The following ESPNL variants were observed in gnomAD, a reference collection of about 807,000 sequenced individuals.
ESPNL encodes the protein espin like.
In ESPNL, 49 loss-of-function variants were observed where a neutral mutation model predicts 46.8. That is an observed-to-expected ratio of 1.05 (90% CI 0.83 to 1.33). ESPNL has a LOEUF of 1.33. ESPNL is among the 40% of genes most tolerant of loss of function. The pLI is 0.00. For synonymous variants in ESPNL, 664 were observed against 662.1 expected, an observed-to-expected ratio of 1.00 and a Z score of -0.04; for missense variants, 1,540 against 1,436.6, an observed-to-expected ratio of 1.07 and a Z score of -1.16.
intron 2 of ESPNL, 148 bp from the exon 3 acceptor site, chr2:238,104,508 G>T (rs1019637048): frequency 5.4e-6 from 5 of 921,072 alleles, no homozygotes; most frequent in South Asian, 1.9e-5. Flanking sequence ...CAACCTGGAG[G>T]GGGGAACCCC....
chr2:238,114,430 ACACC>A lies in ESPNL; in HGVS notation c.856-2468_856-2465del, dbSNP rs1691773457. ...GGACGCTCCGCCTCCACCCACCCAC[ACACC>A]CACCGCGCCCTGGCAAACCTTTGCC... is the stretch of plus-strand genomic sequence containing the variant. On this transcript the variant is annotated intron_variant, in intron 4 of 8. Transcript: ENST00000343063. This position sits in a 1 kb window ranked among gnomAD's most constrained non-coding sequence, Gnocchi z 5.0. Among the ~76,000 whole-genome samples, 1 of 151,504 alleles carries A rather than the reference ACACC, an allele frequency of 6.6e-6. No homozygotes were observed. Among genetic ancestry groups the A allele is most frequent in the Non-Finnish European group, 1.5e-5 (1 of 67,890 alleles).
At chr2:238,109,089 G>A (rs1691663376) in intron 4 of ESPNL, among the ~76,000 whole-genome samples, 1 of 152,212 alleles carries the variant, frequency 6.6e-6, no homozygotes, top group Non-Finnish European at 1.5e-5. Context: ...GAAGTGGGGG[G>A]AGGGGTGACC....
intron 4 of ESPNL, among the ~76,000 whole-genome samples, chr2:238,108,810 C>T (rs777647582): frequency 3.9e-5 from 6 of 152,212 alleles, no homozygotes; most frequent in African/African-American, 2.4e-5. Flanking sequence ...CTTCCTGGGG[C>T]CCCGGGTCAC....
intron 5 of ESPNL, among the ~76,000 whole-genome samples, chr2:238,122,891 G>A (rs530532534): frequency 2.6e-5 from 4 of 152,322 alleles, no homozygotes; most frequent in Admixed American, 6.5e-5. Flanking sequence ...TTCTGGCCGC[G>A]TCTGGTCTGG....
intron 3 of ESPNL, 124 bp downstream of exon 3, chr2:238,104,966 C>G: frequency 1.2e-6 from 1 of 854,096 alleles, no homozygotes; most frequent in South Asian, 2.2e-5. Context: ...TTGGGGCATC[C>G]GATGAGCTGG....
rs1574735255 is a variant in ESPNL at position 238,116,957 on chromosome 2, G to A, written c.910G>A (p.Gly304Ser). 1 of 1,612,490 alleles carries A rather than the reference G, an allele frequency of 6.2e-7. No homozygotes were observed. Among genetic ancestry groups the A allele is most frequent in the Non-Finnish European group, 8.5e-7 (1 of 1,179,810 alleles). ...GGACCCCTCCCTGCGGGATGAAGAT[G>A]GTTACACGGCGGCAGACCTGGCGGA... The part of the protein sequence containing the change: ...HVDPSLRDED[G>S]YTAADLAEYH... Residue 304 changes from glycine (G) to serine (S), a missense_variant, in exon 5 of 9, where the codon GGT becomes AGT. Transcript: ENST00000343063.
intron 5 of ESPNL, among the ~76,000 whole-genome samples, chr2:238,124,955 C>T (rs1186381303): frequency 2.0e-5 from 3 of 152,212 alleles, no homozygotes; most frequent in Non-Finnish European, 4.4e-5. Flanking sequence ...GTACCCGGAG[C>T]CCCAGAGCTC....
chr2:238,108,710 A>C (rs1411027392), intron 4 of ESPNL, among the ~76,000 whole-genome samples: 1 of 152,148 alleles, frequency 6.6e-6, no homozygotes, highest in Non-Finnish European at 1.5e-5. Context: ...CTGCAAGGCT[A>C]GTCTGGGGGG....
chr2:238,119,802 G>A (rs1691946410), intron 5 of ESPNL, among the ~76,000 whole-genome samples: 1 of 152,084 alleles, frequency 6.6e-6, no homozygotes, highest in Admixed American at 6.5e-5. Flanking sequence ...TCTCCCCAAG[G>A]GGTTGCTGTG....
intron 4 of ESPNL, 56 bp downstream of exon 4, chr2:238,108,029 G>A: frequency 6.6e-7 from 1 of 1,516,800 alleles, no homozygotes; most frequent in Non-Finnish European, 9.0e-7. Context: ...GCCATGCCCA[G>A]TGCTGTGTCA....
intron 4 of ESPNL, among the ~76,000 whole-genome samples, chr2:238,112,908 A>G (rs868455267): frequency 3.9e-5 from 6 of 152,120 alleles, no homozygotes; most frequent in Admixed American, 2.0e-4. Flanking sequence ...TGTATGGTCA[A>G]TTTTTATCAA....
Position 238,130,455 on chromosome 2 carries a change from G to C in ESPNL, c.1741G>C (p.Glu581Gln), listed in dbSNP as rs1692282320. The part of the protein sequence containing the change: ...AEPAGSAEAS[E>Q]VAPGVQPLPF... ...GCCCGCAGGGTCTGCGGAGGCCTCA[G>C]AGGTGGCCCCCGGGGTGCAGCCCCT... The change falls in exon 9 of 9, where the codon GAG becomes CAG. Residue 581 changes from glutamate to glutamine, a missense_variant. Physicochemically the swap from Glu to Gln is conservative, Grantham distance 29. Transcript: ENST00000343063. The C allele has an allele frequency of 1.9e-6, 3 of 1,603,262 alleles. No individual in the cohort carries two copies. The African/African-American group carries it at 4.0e-5, about 21-fold the overall frequency.
rs944464732 is a variant in ESPNL at position 238,132,074 on chromosome 2, C to T, written c.*342C>T. On this transcript the variant is annotated 3_prime_UTR_variant, in exon 9 of 9. Coordinates refer to ENST00000343063, the MANE Select transcript of ESPNL (RefSeq NM_194312.4). ...TCCCCAGTGTCACCAGTTCCCTTGG[C>T]GTCCTGTCCCTCAGTTTCTGTGGTG... 5 of 223,726 alleles carry T rather than the reference C, an allele frequency of 2.2e-5. No homozygotes were observed. Among genetic ancestry groups the T allele is most frequent in the South Asian group, 1.1e-4 (1 of 9,064 alleles). The allele number at this position is 223,726 out of a possible 1,614,324, so 13.9% of individuals were successfully genotyped here.
At chr2:238,129,803 G>A (rs892161594) in intron 8 of ESPNL, among the ~76,000 whole-genome samples, 2 of 152,250 alleles carry the variant, frequency 1.3e-5, no homozygotes, top group African/African-American at 4.8e-5. Flanking sequence ...TGTCGTTTCT[G>A]TAGCCACAGG....
chr2:238,128,497 C>CG (rs2106479073), intron 7 of ESPNL, among the ~76,000 whole-genome samples: 1 of 152,306 alleles, frequency 6.6e-6, no homozygotes, highest in East Asian at 1.9e-4. Flanking sequence ...CATCTTACCC[C>CG]GCCCCCTCCA....
At chr2:238,123,826 C>T (rs1163417700) in intron 5 of ESPNL, among the ~76,000 whole-genome samples, 2 of 152,160 alleles carry the variant, frequency 1.3e-5, no homozygotes, top group South Asian at 2.1e-4. Flanking sequence ...GAGTGAGGTG[C>T]GTGGGGGCCG....
At chr2:238,128,574 C>T (rs746101106) in intron 7 of ESPNL, 133 bp from the exon 8 acceptor site, 1 of 763,164 alleles carries the variant, frequency 1.3e-6, no homozygotes, top group Non-Finnish European at 2.1e-6. Context: ...CCGTGGCCCC[C>T]ACTGTCCCTC....
chr2:238,130,437 G>T lies in ESPNL; in HGVS notation c.1723G>T (p.Gly575Trp), dbSNP rs1248190982. 6.2e-7 allele frequency: 1 copy of T among 1,605,878 alleles called. No individual in the cohort carries two copies. The highest frequency in any genetic ancestry group is 8.5e-7 in the Non-Finnish European group (1 of 1,177,110). The change falls in exon 9 of 9, where the codon GGG becomes TGG. Residue 575 changes from glycine to tryptophan, a missense_variant. Coordinates refer to ENST00000343063, the MANE Select transcript of ESPNL (RefSeq NM_194312.4). Reference protein sequence around the residue: ...EASIPAAEPAGSAEASEVAPG... With the variant: ...EASIPAAEPAWSAEASEVAPG... ...CTCAATCCCAGCGGCTGAGCCCGCAGGGTCTGCGGAGGCCTCAGAGGTGGC... is the reference window on the plus strand; with the variant it reads ...CTCAATCCCAGCGGCTGAGCCCGCATGGTCTGCGGAGGCCTCAGAGGTGGC...
Position 238,102,106 on chromosome 2 carries a change from A to G in ESPNL, c.460A>G (p.Lys154Glu). 2 of 1,564,636 alleles carry G rather than the reference A, an allele frequency of 1.3e-6. No individual in the cohort carries two copies. Among genetic ancestry groups the G allele is most frequent in the Non-Finnish European group, 1.7e-6 (2 of 1,155,862 alleles). Reference sequence around the variant, plus strand: ...CGTCAGTGGGGACCTGACCTGCCTCAAGCTCCTGACAGCCGCGCATGGCAG... The same window carrying G: ...CGTCAGTGGGGACCTGACCTGCCTCGAGCTCCTGACAGCCGCGCATGGCAG... ...AAVSGDLTCL[K>E]LLTAAHGSSV... Residue 154 changes from lysine (K) to glutamate (E), a missense_variant, in exon 2 of 9, where the codon AAG becomes GAG. Physicochemically the swap from Lys to Glu is moderately conservative, Grantham distance 56. Coordinates refer to ENST00000343063, the MANE Select transcript of ESPNL (RefSeq NM_194312.4).
Sources: allele counts gnomAD v4.1 joint callset (sites outside exome capture counted in the v4.1 genomes callset), GRCh38; gene constraint gnomAD v4.1.1; non-coding constraint Gnocchi (gnomAD v3.1); transcripts MANE v1.5; gene names NCBI Gene and HGNC (gene_info 2026-07-23, HGNC 2026-07-21).